The following KIAA0513 variants were observed in gnomAD, a reference collection of about 807,000 sequenced individuals.
KIAA0513 encodes the protein KIAA0513.
A neutral mutation model predicts 56.5 loss-of-function variants in KIAA0513; 39 were observed. The observed-to-expected ratio is 0.69, with a 90% CI of 0.53 to 0.90. The LOEUF (loss-of-function observed/expected upper bound fraction) is 0.90, where lower values mean the gene tolerates loss of function less well. KIAA0513 is among the 40% of genes least tolerant of loss of function. The probability of loss-of-function intolerance (pLI) is 0.00; values close to 1 mark genes in which losing one functional copy is unlikely to be tolerated. For missense variants in KIAA0513, 591 were observed against 535.2 expected (o/e 1.10, Z -1.03); for synonymous variants, 268 against 215.6 (o/e 1.24, Z -2.13).
chr16:85,080,575 C>G (rs184293499), intron 8 of KIAA0513, among the ~76,000 whole-genome samples: 14 of 152,280 alleles, frequency 9.2e-5, no homozygotes, highest in African/African-American at 3.4e-4. Context: ...GGGTAGATTA[C>G]CTGTGGTCAG....
intron 2 of KIAA0513, among the ~76,000 whole-genome samples, chr16:85,068,157 G>A (rs1048753045): frequency 4.1e-5 from 6 of 146,256 alleles, no homozygotes; most frequent in Admixed American, 6.8e-5. Flanking sequence ...TTTTATCCAC[G>A]CATTCTTTTT....
intron 1 of KIAA0513, chr16:85,063,634 C>T (rs949103216): frequency 5.3e-5 from 8 of 152,152 alleles, no homozygotes; most frequent in South Asian, 2.1e-4. Context: ...GAACGGCTTC[C>T]GGAGACAGTG....
At chr16:85,032,251 C>G (rs1368767176) in intron 1 of KIAA0513, among the ~76,000 whole-genome samples, 1 of 152,230 alleles carries the variant, frequency 6.6e-6, no homozygotes, top group Non-Finnish European at 1.5e-5. Flanking sequence ...TTTGTCTCCA[C>G]TTCATGTCTC....
chr16:85,072,040 T>C (rs2073584579), intron 3 of KIAA0513, among the ~76,000 whole-genome samples, 158 bp downstream of exon 3: 2 of 152,040 alleles, frequency 1.3e-5, no homozygotes, highest in Admixed American at 6.6e-5. Flanking sequence ...AAAAATACTC[T>C]GAAAAGGAGT....
In KIAA0513 at chr16:85,081,525, C is replaced by T; in HGVS notation, c.980+133C>T. On this transcript the variant is annotated intron_variant, in intron 9 of 12. Coordinates refer to ENST00000683363, the MANE Select transcript of KIAA0513 (RefSeq NM_001388359.1). The surrounding 1 kb of genome is among the most constrained non-coding windows in gnomAD (Gnocchi z 4.4). ...CTGTTTTTTCTTCACCCCCTCATGGCCCTGGTGCCTCGCAAGCTGCCTGAG... is the reference window on the plus strand; with the variant it reads ...CTGTTTTTTCTTCACCCCCTCATGGTCCTGGTGCCTCGCAAGCTGCCTGAG... 1 of 809,140 alleles carries T rather than the reference C, an allele frequency of 1.2e-6. No homozygotes were observed. 50.1% of individuals were successfully genotyped at this position (809,140 alleles called of 1,614,324 possible). A position where few individuals can be genotyped will look rare whatever the true frequency, so the allele number is the denominator to read the frequency against.
intron 12 of KIAA0513, among the ~76,000 whole-genome samples, chr16:85,087,639 C>T (rs1474603443): frequency 6.6e-6 from 1 of 152,224 alleles, no homozygotes; most frequent in Non-Finnish European, 1.5e-5. Context: ...CAGGGAGTTG[C>T]TGTGACATTG....
At chr16:85,085,185 T>C (rs147633921) in intron 10 of KIAA0513, among the ~76,000 whole-genome samples, 360 of 152,274 alleles carry the variant, frequency 2.4e-3, no homozygotes, top group African/African-American at 8.0e-3. Context: ...GGAAAGACAG[T>C]AGGAAGGAAA....
Position 85,033,858 on chromosome 16 carries a change from A to G in KIAA0513, c.-173+6000A>G, listed in dbSNP as rs527998546. The stretch of plus-strand genomic sequence containing the variant: ...TTCAAATGATACAGAAAGATGTCGT[A>G]GTTTGTCTCTCCCTGCCCCACCCCC... On this transcript the variant is annotated intron_variant, in intron 1 of 12. Transcript: ENST00000683363. Among the ~76,000 whole-genome samples the G allele has an allele frequency of 3.9e-5, 6 of 152,306 alleles. No homozygotes were observed. In the East Asian group the frequency reaches 1.2e-3, roughly 29 times the overall value.
Position 85,077,508 on chromosome 16 carries a change from C to T in KIAA0513, c.658C>T (p.Leu220=), listed in dbSNP as rs749586449. 4 of 1,614,104 alleles carry T rather than the reference C, an allele frequency of 2.5e-6. No individual in the cohort carries two copies. In the African/African-American group the frequency reaches 5.3e-5, roughly 22 times the overall value. Residue 220 remains leucine (L), a synonymous_variant, in exon 6 of 13, where the codon CTG becomes TTG. Coordinates refer to ENST00000683363, the MANE Select transcript of KIAA0513 (RefSeq NM_001388359.1). ...CTACCTGAAATCCGCAAACAGCTGG[C>T]TGGCCGAAAAGAAGGACATCGCCGA... ...DSYLKSANSW[L]AEKKDIAERL...
Position 85,079,306 on chromosome 16 carries a change from C to A in KIAA0513, c.902+303C>A, listed in dbSNP as rs1846433723. ...AGCAGCTCCACTCCTAGGAGTCGCCCAAGAGAAAAACATGTCCTCACAAAA... is the reference window on the plus strand; with the variant it reads ...AGCAGCTCCACTCCTAGGAGTCGCCAAAGAGAAAAACATGTCCTCACAAAA... On this transcript the variant is annotated intron_variant, in intron 8 of 12. Transcript: ENST00000683363. 5 of 386,816 alleles carry A rather than the reference C, an allele frequency of 1.3e-5. 1 individual carries two copies. Among genetic ancestry groups the A allele is most frequent in the African/African-American group, 6.0e-5 (3 of 50,340 alleles). The allele number at this position is 386,816 out of a possible 1,614,324, so 24.0% of individuals were successfully genotyped here. A position where few individuals can be genotyped will look rare whatever the true frequency, so the allele number is the denominator to read the frequency against.
chr16:85,054,847 G>A (rs1375079876), intron 1 of KIAA0513, among the ~76,000 whole-genome samples: 1 of 152,114 alleles, frequency 6.6e-6, no homozygotes, highest in African/African-American at 2.4e-5. Flanking sequence ...ACGTCCTGGC[G>A]CGGGTGGTGG....
intron 8 of KIAA0513, among the ~76,000 whole-genome samples, chr16:85,080,144 CT>C (rs2073721814): frequency 6.8e-6 from 1 of 147,858 alleles, no homozygotes; most frequent in African/African-American, 2.5e-5. Flanking sequence ...CAGGAAGGCC[CT>C]TGAGGAGGCT....
intron 1 of KIAA0513, among the ~76,000 whole-genome samples, 156 bp downstream of exon 1, chr16:85,028,014 C>A (rs1233609863): frequency 6.7e-6 from 1 of 150,132 alleles, no homozygotes; most frequent in Admixed American, 6.6e-5. Context: ...GTCCGCGGGG[C>A]GAGCGGGGGC....
At position 85,058,634 on chromosome 16, in the gene KIAA0513, A is replaced by G. The variant is rs543986432; in HGVS notation, c.-172-8266A>G. On this transcript the variant is annotated intron_variant, in intron 1 of 12. Coordinates refer to ENST00000683363, the MANE Select transcript of KIAA0513 (RefSeq NM_001388359.1). ...TCCACTGCGCTCCAGCCTGGGCAACAAGAGCGGAACTCCATCTCACAAAAA... is the reference window on the plus strand; with the variant it reads ...TCCACTGCGCTCCAGCCTGGGCAACGAGAGCGGAACTCCATCTCACAAAAA... Among the ~76,000 whole-genome samples the G allele has an allele frequency of 1.1e-4, 17 of 150,304 alleles. No individual in the cohort carries two copies. The South Asian group carries it at 3.2e-3, about 28-fold the overall frequency.
chr16:85,055,856 A>AGT (rs2073321366), intron 1 of KIAA0513, among the ~76,000 whole-genome samples: 1 of 152,184 alleles, frequency 6.6e-6, no homozygotes, highest in Admixed American at 6.5e-5. Flanking sequence ...GTGACAGCCG[A>AGT]GTGCTCGGAG....
chr16:85,093,786 A>G lies in KIAA0513; in HGVS notation c.*5461A>G, dbSNP rs2073894596. 2.0e-5 allele frequency: 3 copies of G among 152,282 alleles called. No individual in the cohort carries two copies. Among genetic ancestry groups the G allele is most frequent in the African/African-American group, 7.2e-5 (3 of 41,446 alleles). 9.4% of individuals were successfully genotyped at this position (152,282 alleles called of 1,614,324 possible). On this transcript the variant is annotated 3_prime_UTR_variant, in exon 13 of 13. Coordinates refer to ENST00000683363, the MANE Select transcript of KIAA0513 (RefSeq NM_001388359.1). ...TGGACACGTGGAGAAAGAGAAGGCA[A>G]ACGTTGGAACACTAGGAAAAGCTAG...
At chr16:85,030,787 G>T (rs2072954072) in intron 1 of KIAA0513, among the ~76,000 whole-genome samples, 1 of 151,458 alleles carries the variant, frequency 6.6e-6, no homozygotes, top group Admixed American at 6.6e-5. Flanking sequence ...GTGTTCTCAT[G>T]AGGGAAGGAC....
chr16:85,078,981 C>T lies in KIAA0513; in HGVS notation c.880C>T (p.His294Tyr). ...KKGEKIYLYT[H>Y]LKQQPIWHTL... ...GGGGGAGAAGATCTACCTGTACACG[C>T]ACCTGAAGCAACAGCCCATCTGGTA... Residue 294 changes from histidine to tyrosine, a missense_variant, in exon 8 of 13, where the codon CAC becomes TAC. His to Tyr is a moderately conservative substitution (Grantham distance 83). Coordinates refer to ENST00000683363, the MANE Select transcript of KIAA0513 (RefSeq NM_001388359.1). The T allele has an allele frequency of 6.2e-7, 1 of 1,614,180 alleles. No individual in the cohort carries two copies. The highest frequency in any genetic ancestry group is 1.1e-5 in the South Asian group (1 of 91,088).
chr16:85,064,428 A>G (rs1285141842), intron 1 of KIAA0513, among the ~76,000 whole-genome samples: 2 of 152,190 alleles, frequency 1.3e-5, no homozygotes, highest in East Asian at 3.8e-4. Flanking sequence ...TTTTCTTAGG[A>G]TAAATTCCAA....
Sources: allele counts gnomAD v4.1 joint callset (sites outside exome capture counted in the v4.1 genomes callset), GRCh38; gene constraint gnomAD v4.1.1; non-coding constraint Gnocchi (gnomAD v3.1); transcripts MANE v1.5; gene names NCBI Gene and HGNC (gene_info 2026-07-23, HGNC 2026-07-21).